Variants in MCTP2 observed in about 807,000 individuals in gnomAD.
The protein encoded by MCTP2 is multiple C2 and transmembrane domain-containing protein 2.
In MCTP2, 132 loss-of-function variants were observed where a neutral mutation model predicts 111.6. The ratio of observed to expected loss-of-function variants is 1.18; its 90% CI spans 1.03 to 1.37. MCTP2 has a LOEUF of 1.37. Among genes scored for constraint, MCTP2 ranks in the 40% most tolerant of loss-of-function variants. The pLI, the probability that MCTP2 is intolerant of heterozygous loss-of-function variation, is 0.00. For missense variants in MCTP2, 1,183 were observed against 1,067.9 expected, an observed-to-expected ratio of 1.11 and a Z score of -1.50; for synonymous variants, 395 against 387.7, an observed-to-expected ratio of 1.02 and a Z score of -0.22.
At chr15:94,433,447 A>G (rs777563880) in intron 17 of MCTP2, among the ~76,000 whole-genome samples, 80 of 152,252 alleles carry the variant, frequency 5.3e-4, no homozygotes, top group Middle Eastern at 6.8e-3. Context: ...GCTTCAAGCA[A>G]TGGTCCTAAC....
intron 21 of MCTP2, among the ~76,000 whole-genome samples, chr15:94,472,678 C>T (rs1268555275): frequency 6.6e-6 from 1 of 152,168 alleles, no homozygotes; most frequent in African/African-American, 2.4e-5. Flanking sequence ...ACATTTTAAA[C>T]AGAAGCTCAT....
At position 94,244,739 on chromosome 15, in the gene MCTP2, CACAT is replaced by C. The variant is rs759497760; in HGVS notation, c.-66+13081_-66+13084del. On this transcript the variant is annotated intron_variant, in intron 1 of 22. Transcript: ENST00000357742. ...CTATGTTTATATTCGTATATGTATA[CACAT>C]ACATATGCACCTATGTTTATATTCG... 1.9e-3 allele frequency among the ~76,000 whole-genome samples: 281 copies of C among 147,804 alleles called. 3 individuals carry two copies. Among genetic ancestry groups the C allele is most frequent in the Non-Finnish European group, 3.1e-3 (208 of 66,254 alleles).
chr15:94,340,143 A>G, intron 5 of MCTP2, 56 bp from the exon 6 acceptor site: 1 of 1,228,586 alleles, frequency 8.1e-7, no homozygotes, highest in South Asian at 1.3e-5. Context: ...AATAATTTGA[A>G]AAACTCAGTT....
chr15:94,232,624 G>A (rs2070264802), intron 1 of MCTP2, among the ~76,000 whole-genome samples: 1 of 152,196 alleles, frequency 6.6e-6, no homozygotes. Flanking sequence ...GGGCTGGTGT[G>A]CTGTTGGGTA....
intron 1 of MCTP2, among the ~76,000 whole-genome samples, chr15:94,257,564 TTG>T (rs2072866577): frequency 6.2e-5 from 4 of 64,080 alleles, no homozygotes; most frequent in African/African-American, 1.3e-4. Context: ...GTCATTTTCT[TTG>T]TTGTTTTTTT....
At chr15:94,329,544 G>C (rs556417202) in intron 4 of MCTP2, among the ~76,000 whole-genome samples, 74 of 152,264 alleles carry the variant, frequency 4.9e-4, no homozygotes, top group African/African-American at 1.7e-3. Context: ...GCAGGGAGGT[G>C]CCACACACTT....
At chr15:94,338,984 C>T (rs1260387416) in intron 4 of MCTP2, among the ~76,000 whole-genome samples, 1 of 152,178 alleles carries the variant, frequency 6.6e-6, no homozygotes, top group African/African-American at 2.4e-5. Flanking sequence ...AGACTACTGA[C>T]CCTGTTAGCT....
At chr15:94,347,508 G>A (rs1305595574) in intron 8 of MCTP2, among the ~76,000 whole-genome samples, 1 of 152,026 alleles carries the variant, frequency 6.6e-6, no homozygotes, top group African/African-American at 2.4e-5. Context: ...GTTCCTGAAT[G>A]GCCTTTGTAG....
At chr15:94,437,176 A>T (rs1164145433) in intron 17 of MCTP2, among the ~76,000 whole-genome samples, 2 of 144,142 alleles carry the variant, frequency 1.4e-5, no homozygotes, top group Non-Finnish European at 3.0e-5. Context: ...AAAAAAAAAA[A>T]AAGAGGTTTA....
chr15:94,238,489 A>G (rs774014153), intron 1 of MCTP2, among the ~76,000 whole-genome samples: 16 of 152,136 alleles, frequency 1.1e-4, no homozygotes, highest in Non-Finnish European at 2.4e-4. Flanking sequence ...AGGCTTTTTT[A>G]AAACTGCTAA....
At chr15:94,347,883 C>G (rs978161061) in intron 8 of MCTP2, among the ~76,000 whole-genome samples, 38 of 142,112 alleles carry the variant, frequency 2.7e-4, no homozygotes, top group Admixed American at 2.3e-3. Flanking sequence ...GTCTCTCTCT[C>G]TCACACACAC....
rs190932895 is a variant in MCTP2 at position 94,251,412 on chromosome 15, G to T, written c.-66+19748G>T. The stretch of plus-strand genomic sequence containing the variant: ...TCGCTCTTGTTGCCCAGGCTGGAGT[G>T]CAGTGGCGCGATCTCAGCTCACTGC... On this transcript the variant is annotated intron_variant, in intron 1 of 22. Coordinates refer to ENST00000357742, the MANE Select transcript of MCTP2 (RefSeq NM_001385001.1). Among the ~76,000 whole-genome samples, 665 of 151,374 alleles carry T rather than the reference G, an allele frequency of 4.4e-3. 4 individuals carry two copies. The highest frequency in any genetic ancestry group is 0.016 in the African/African-American group (647 of 41,186).
intron 17 of MCTP2, among the ~76,000 whole-genome samples, chr15:94,405,895 T>C (rs1026172129): frequency 3.9e-5 from 6 of 152,224 alleles, no homozygotes; most frequent in Non-Finnish European, 8.8e-5. Context: ...TTTTCTTTTT[T>C]CTTCCTTCAG....
intron 4 of MCTP2, among the ~76,000 whole-genome samples, chr15:94,338,314 A>G (rs974328051): frequency 6.6e-6 from 1 of 152,214 alleles, no homozygotes; most frequent in African/African-American, 2.4e-5. Flanking sequence ...CTTTCTTTGT[A>G]GCGTTATCAG....
At chr15:94,371,727 C>T (rs781009619) in intron 12 of MCTP2, among the ~76,000 whole-genome samples, 5 of 152,072 alleles carry the variant, frequency 3.3e-5, no homozygotes, top group African/African-American at 7.2e-5. Flanking sequence ...CCTGCTCTGT[C>T]GCCCAGGCTG....
chr15:94,399,114 G>C (rs748700840), intron 15 of MCTP2, 52 bp downstream of exon 15: 2 of 938,234 alleles, frequency 2.1e-6, no homozygotes, highest in African/African-American at 3.3e-5. Flanking sequence ...AAAATAGAAG[G>C]TGACCAGCCT....
chr15:94,404,251 TTTC>T (rs372213936), intron 17 of MCTP2, among the ~76,000 whole-genome samples: 22 of 152,278 alleles, frequency 1.4e-4, no homozygotes, highest in African/African-American at 5.1e-4. Context: ...CAGAAAATGC[TTTC>T]TTGAGACAGA....
intron 1 of MCTP2, among the ~76,000 whole-genome samples, chr15:94,297,250 T>C (rs2075316506): frequency 6.6e-6 from 1 of 152,204 alleles, no homozygotes; most frequent in South Asian, 2.1e-4. Flanking sequence ...CAACCTGTTA[T>C]ATCCCAAATC....
intron 9 of MCTP2, among the ~76,000 whole-genome samples, chr15:94,357,256 T>C (rs1596462763): frequency 6.6e-6 from 1 of 152,172 alleles, no homozygotes; most frequent in East Asian, 1.9e-4. Flanking sequence ...GAAGAATAGT[T>C]TATAAAAAAT....
Sources: gnomAD v4.1 joint callset for allele counts (sites outside exome capture counted in the v4.1 genomes callset) on GRCh38, gnomAD v4.1.1 for gene constraint, MANE v1.5 for transcripts, NCBI Gene and HGNC (gene_info 2026-07-23, HGNC 2026-07-21) for gene names.